The following IL1RAPL2 variants were observed in gnomAD, a reference collection of about 807,000 sequenced individuals.
The protein encoded by IL1RAPL2 is interleukin 1 receptor accessory protein like 2, also known as X-linked interleukin-1 receptor accessory protein-like 2.
A neutral mutation model predicts 44.1 loss-of-function variants in IL1RAPL2; 3 were observed. That is an observed-to-expected ratio of 0.07 (90% CI 0.03 to 0.18). IL1RAPL2 has a LOEUF of 0.18. Among genes scored for constraint, IL1RAPL2 ranks in the 10% least tolerant of loss-of-function variants. IL1RAPL2 has a pLI of 1.00. For synonymous variants in IL1RAPL2, 181 were observed against 178.8 expected (o/e 1.01, Z -0.10); for missense variants, 391 against 496.4 (o/e 0.79, Z 2.02).
At chrX:104,886,817 G>T (rs538733039) in intron 2 of IL1RAPL2, among the ~76,000 whole-genome samples, 1 of 112,186 alleles carries the variant, frequency 8.9e-6, no homozygotes, top group Non-Finnish European at 1.9e-5. Context: ...GCCCTCATCC[G>T]TTTGGTCAGG....
At chrX:105,117,185 C>G (rs1170755017) in intron 2 of IL1RAPL2, among the ~76,000 whole-genome samples, 1 of 111,905 alleles carries the variant, frequency 8.9e-6, no homozygotes, top group Non-Finnish European at 1.9e-5. Context: ...AGAAATCCAG[C>G]ACAGATGAGA....
chrX:105,317,155 T>C (rs752872130), intron 5 of IL1RAPL2, among the ~76,000 whole-genome samples: 3 of 112,154 alleles, frequency 2.7e-5, no homozygotes, highest in Non-Finnish European at 5.6e-5. Context: ...ACTTTTTAGT[T>C]TGAATATTTA....
At chrX:105,457,732 C>A (rs988965095) in intron 5 of IL1RAPL2, among the ~76,000 whole-genome samples, 13 of 108,779 alleles carry the variant, frequency 1.2e-4, no homozygotes, top group Non-Finnish European at 1.9e-4. Context: ...TTAATGGATT[C>A]TTGAATTGTT....
At chrX:104,790,577 C>T (rs1932820337) in intron 2 of IL1RAPL2, among the ~76,000 whole-genome samples, 1 of 104,178 alleles carries the variant, frequency 9.6e-6, no homozygotes, top group Non-Finnish European at 1.9e-5. Context: ...ATTTGTGAAA[C>T]ATTTTTTTTT....
chrX:105,172,611 A>G (rs1287563146), intron 2 of IL1RAPL2, among the ~76,000 whole-genome samples: 2 of 111,643 alleles, frequency 1.8e-5, no homozygotes, highest in Non-Finnish European at 3.8e-5. Flanking sequence ...TTTTACATAG[A>G]GTCCCTATTG....
At chrX:105,256,418 T>C (rs1036573714) in intron 4 of IL1RAPL2, among the ~76,000 whole-genome samples, 2 of 108,558 alleles carry the variant, frequency 1.8e-5, no homozygotes, top group Non-Finnish European at 3.8e-5. Flanking sequence ...AACCTCCGCC[T>C]CCTGGATTCA....
intron 6 of IL1RAPL2, among the ~76,000 whole-genome samples, chrX:105,698,746 ATC>A (rs1344476072): frequency 8.9e-6 from 1 of 112,459 alleles, no homozygotes; most frequent in Non-Finnish European, 1.9e-5. Flanking sequence ...AATACTTTAT[ATC>A]TAAAAGAAAA....
At chrX:104,586,946 G>A (rs1045153968) in intron 1 of IL1RAPL2, among the ~76,000 whole-genome samples, 2 of 111,278 alleles carry the variant, frequency 1.8e-5, no homozygotes, top group African/African-American at 3.3e-5. Context: ...ATCCTTCTTA[G>A]GTTGCTGAAA....
At chrX:105,193,705 G>C (rs1018452380) in intron 2 of IL1RAPL2, among the ~76,000 whole-genome samples, 1 of 111,639 alleles carries the variant, frequency 9.0e-6, no homozygotes, top group African/African-American at 3.3e-5. Context: ...GACAACCAGT[G>C]ATCAGTACAT....
chrX:105,278,897 G>A (rs2034506470), intron 5 of IL1RAPL2, among the ~76,000 whole-genome samples: 2 of 111,254 alleles, frequency 1.8e-5, no homozygotes, highest in African/African-American at 3.3e-5. Flanking sequence ...CCTGCTTCAT[G>A]CTTTTTCCAC....
rs955968734 is a variant in IL1RAPL2 at position 105,077,672 on chromosome X, C to A, written c.83-117803C>A. ...TTGGTTCCATTCTCTCTGTCACTTT[C>A]AGGTACACCAATTAGACATAGATTT... On this transcript the variant is annotated intron_variant, in intron 2 of 10. Coordinates refer to ENST00000372582, the MANE Select transcript of IL1RAPL2 (RefSeq NM_017416.2). Among the ~76,000 whole-genome samples the A allele has an allele frequency of 5.4e-5, 6 of 112,144 alleles. No homozygotes were observed. The Admixed American group carries it at 5.7e-4, about 11-fold the overall frequency.
intron 3 of IL1RAPL2, among the ~76,000 whole-genome samples, chrX:105,208,387 G>GC (rs2033781706): frequency 9.0e-6 from 1 of 111,428 alleles, no homozygotes; most frequent in Non-Finnish European, 1.9e-5. Flanking sequence ...TTAAAGAAAG[G>GC]CAGTGCTGCT....
intron 5 of IL1RAPL2, among the ~76,000 whole-genome samples, chrX:105,349,743 G>A (rs1443484464): frequency 2.7e-5 from 3 of 111,657 alleles, no homozygotes; most frequent in Admixed American, 1.9e-4. Context: ...ATTAACATAT[G>A]CTTCCTCTTC....
chrX:105,417,767 C>T (rs1173025323), intron 5 of IL1RAPL2, among the ~76,000 whole-genome samples: 1 of 111,861 alleles, frequency 8.9e-6, no homozygotes, highest in Non-Finnish European at 1.9e-5. Flanking sequence ...GAAAGGATCA[C>T]TTGTGTACAT....
chrX:105,542,006 C>T (rs974958705), intron 6 of IL1RAPL2, among the ~76,000 whole-genome samples: 11 of 111,695 alleles, frequency 9.8e-5, no homozygotes, highest in Admixed American at 3.8e-4. Flanking sequence ...CTCTGCACAT[C>T]CACTGATTCT....
intron 5 of IL1RAPL2, among the ~76,000 whole-genome samples, chrX:105,429,198 A>C (rs1299236615): frequency 8.9e-6 from 1 of 111,893 alleles, no homozygotes; most frequent in Non-Finnish European, 1.9e-5. Flanking sequence ...TAGTACATTG[A>C]TCAAAAATTG....
chrX:104,967,783 A>T (rs2030155345), intron 2 of IL1RAPL2, among the ~76,000 whole-genome samples: 1 of 111,615 alleles, frequency 9.0e-6, no homozygotes, highest in Admixed American at 9.5e-5. Flanking sequence ...ATACCAATAT[A>T]CATGAGAACT....
rs1356171816 is a variant in IL1RAPL2 at position 105,549,330 on chromosome X, T to C, written c.772+64943T>C. Among the ~76,000 whole-genome samples the C allele has an allele frequency of 3.6e-5, 4 of 112,436 alleles. No individual in the cohort carries two copies. The Admixed American group carries it at 3.8e-4, about 11-fold the overall frequency. ...TTTGTTATATGTCATTATTCTTAAATCAACAAGTTGTTAGGAATTATAGAA... is the reference window on the plus strand; with the variant it reads ...TTTGTTATATGTCATTATTCTTAAACCAACAAGTTGTTAGGAATTATAGAA... On this transcript the variant is annotated intron_variant, in intron 6 of 10. Transcript: ENST00000372582.
chrX:105,553,028 A>C (rs2036869883), intron 6 of IL1RAPL2, among the ~76,000 whole-genome samples: 1 of 112,112 alleles, frequency 8.9e-6, no homozygotes, highest in South Asian at 3.7e-4. Context: ...AAAAATTGTA[A>C]GAAGAAGTTT....
Sources: gnomAD v4.1 joint callset for allele counts (sites outside exome capture counted in the v4.1 genomes callset) on GRCh38, gnomAD v4.1.1 for gene constraint, MANE v1.5 for transcripts, NCBI Gene and HGNC (gene_info 2026-07-23, HGNC 2026-07-21) for gene names.